OLFML2B: variants seen among roughly 807,000 people sequenced by gnomAD.
OLFML2B encodes the protein olfactomedin like 2B.
In OLFML2B, 57 loss-of-function variants were observed where a neutral mutation model predicts 74.9. That is an observed-to-expected ratio of 0.76 (90% CI 0.61 to 0.95). The LOEUF (loss-of-function observed/expected upper bound fraction) is 0.95. Ranked by LOEUF, OLFML2B falls within the 40% of genes least tolerant of loss-of-function variation. The probability of loss-of-function intolerance (pLI) is 0.00; values close to 1 mark genes in which losing one functional copy is unlikely to be tolerated. For missense variants in OLFML2B, 986 were observed against 970.6 expected (o/e 1.02, Z -0.21); for synonymous variants, 388 against 405.8 (o/e 0.96, Z 0.53).
At chr1:162,019,848 A>G in intron 2 of OLFML2B, 71 bp downstream of exon 2, 1 of 1,558,626 alleles carries the variant, frequency 6.4e-7, no homozygotes, top group Non-Finnish European at 8.7e-7. Context: ...ATCTTCAACC[A>G]TGGCCTTACC....
rs770014083 is a variant in OLFML2B, at chr1:162,023,724, C to T, written c.-294G>A. The T allele has an allele frequency of 1.3e-5, 3 of 224,070 alleles. No individual in the cohort carries two copies. Among genetic ancestry groups the T allele is most frequent in the Non-Finnish European group, 1.7e-5 (2 of 115,344 alleles). The allele number at this position is 224,070 out of a possible 1,614,324, so 13.9% of individuals were successfully genotyped here. On this transcript the variant is annotated 5_prime_UTR_variant, in exon 1 of 8. Transcript: ENST00000294794. ...GGCACGGGCTAGCTGAGCGAGTCGC[C>T]CGCAGGAGGGCTCAGGTGGCTGGAA...
chr1:162,012,953 A>T (rs541073181), intron 3 of OLFML2B, among the ~76,000 whole-genome samples: 1 of 152,280 alleles, frequency 6.6e-6, no homozygotes. Flanking sequence ...TGGAAGCAGT[A>T]TGTGCTGCTA....
intron 6 of OLFML2B, among the ~76,000 whole-genome samples, chr1:161,991,501 G>A (rs906557767): frequency 2.0e-5 from 3 of 152,174 alleles, no homozygotes; most frequent in African/African-American, 7.2e-5. Flanking sequence ...TTGGGAGGCC[G>A]AGGCAGGCGG....
chr1:162,012,121 T>C (rs1690407801), intron 3 of OLFML2B, among the ~76,000 whole-genome samples: 1 of 152,152 alleles, frequency 6.6e-6, no homozygotes, highest in African/African-American at 2.4e-5. Context: ...TCAGGCCGGG[T>C]AAGCAGTGCC....
At position 161,998,143 on chromosome 1, in the gene OLFML2B, C is replaced by A; in HGVS notation, c.1156G>T (p.Ala386Ser). 1 of 1,613,938 alleles carries A rather than the reference C, an allele frequency of 6.2e-7. No individual in the cohort carries two copies. Among genetic ancestry groups the A allele is most frequent in the East Asian group, 2.2e-5 (1 of 44,882 alleles). ...PQPSTSDPSI[A>S]NHASVGPTLQ... is the part of the protein sequence containing the mutation. ...GTTGGTCCCACTGAGGCATGGTTGG[C>A]GATGCTGGGATCTGAGGTCGAGGGC... The change falls in exon 6 of 8, where the codon GCC (alanine) becomes TCC (serine). Residue 386 changes from alanine to serine, a missense_variant. Transcript: ENST00000294794.
At chr1:161,995,728 C>G (rs1689878629) in intron 6 of OLFML2B, among the ~76,000 whole-genome samples, 1 of 152,150 alleles carries the variant, frequency 6.6e-6, no homozygotes, top group Non-Finnish European at 1.5e-5. Context: ...GTGTGTGGGT[C>G]CTACCTGCAG....
chr1:162,017,524 G>T lies in OLFML2B; in HGVS notation c.439-17C>A. ...TGTGGAGAGCTATGAAACAAGGCAA[G>T]GGGTTAGTCCAGGGCTGGGGCACAC... is the stretch of plus-strand genomic sequence containing the variant. On this transcript the variant is annotated splice_polypyrimidine_tract_variant and intron_variant, in intron 2 of 7. Transcript: ENST00000294794. The T allele has an allele frequency of 6.3e-7, 1 of 1,595,992 alleles. No individual in the cohort carries two copies.
At chr1:162,021,306 T>C (rs1332778265) in intron 1 of OLFML2B, among the ~76,000 whole-genome samples, 1 of 152,248 alleles carries the variant, frequency 6.6e-6, no homozygotes, top group Non-Finnish European at 1.5e-5. Flanking sequence ...TTGCTGCTTT[T>C]GCAATGCTAA....
chr1:162,021,357 G>T (rs1690699180), intron 1 of OLFML2B, among the ~76,000 whole-genome samples: 1 of 152,220 alleles, frequency 6.6e-6, no homozygotes, highest in Non-Finnish European at 1.5e-5. Flanking sequence ...GCCTCCCCAG[G>T]CAGGAAAACA....
intron 3 of OLFML2B, among the ~76,000 whole-genome samples, chr1:162,017,085 T>C (rs752723080): frequency 1.8e-4 from 28 of 152,232 alleles, no homozygotes; most frequent in Non-Finnish European, 3.2e-4. Context: ...AAGATGCTTA[T>C]TGTACCTTTA....
intron 6 of OLFML2B, among the ~76,000 whole-genome samples, chr1:161,986,523 T>G (rs1689597033): frequency 6.6e-6 from 1 of 152,100 alleles, no homozygotes; most frequent in Non-Finnish European, 1.5e-5. Flanking sequence ...GTTTATTAGG[T>G]CCTGGTCTGA....
At chr1:162,021,704 C>T (rs933158100) in intron 1 of OLFML2B, among the ~76,000 whole-genome samples, 7 of 152,140 alleles carry the variant, frequency 4.6e-5, no homozygotes, top group Admixed American at 2.6e-4. Context: ...GTGACTTAAG[C>T]GGCTGTTCTT....
intron 6 of OLFML2B, among the ~76,000 whole-genome samples, chr1:161,989,099 C>T (rs967003234): frequency 5.3e-5 from 8 of 152,200 alleles, no homozygotes; most frequent in Admixed American, 1.3e-4. Context: ...ACTCCAATTG[C>T]GCCAGTTTGT....
chr1:162,002,240 C>G (rs1191129166), intron 4 of OLFML2B, among the ~76,000 whole-genome samples: 1 of 152,254 alleles, frequency 6.6e-6, no homozygotes, highest in African/African-American at 2.4e-5. Flanking sequence ...TGGCCCAGCC[C>G]TGCTCTCCCC....
At chr1:162,011,228 G>A (rs963780235) in intron 3 of OLFML2B, among the ~76,000 whole-genome samples, 8 of 152,218 alleles carry the variant, frequency 5.3e-5, no homozygotes, top group Non-Finnish European at 1.0e-4. Flanking sequence ...GGTAGGTCCT[G>A]TGGGCATCAG....
At position 161,997,855 on chromosome 1, in the gene OLFML2B, C is replaced by A. The variant is rs762409288; in HGVS notation, c.1444G>T (p.Glu482Ter). The change falls in exon 6 of 8, where the codon GAA becomes TAA. Residue 482 changes from glutamate (E) to a stop codon, truncating the protein, a stop_gained. Transcript: ENST00000294794. LOFTEE classifies it high-confidence loss of function. Reference protein sequence around the residue: ...TTPASPTLSPEEEDDIRNVIG... With the variant: ...TTPASPTLSP ...ACATTCCGGATGTCATCTTCTTCTT[C>A]GGGGCTCAGCGTGGGGCTGGCAGGG... 1 of 1,613,628 alleles carries A rather than the reference C, an allele frequency of 6.2e-7. No individual in the cohort carries two copies. The highest frequency in any genetic ancestry group is 1.3e-5 in the African/African-American group (1 of 74,920).
At chr1:162,011,047 T>C (rs1372566501) in intron 3 of OLFML2B, among the ~76,000 whole-genome samples, 1 of 152,120 alleles carries the variant, frequency 6.6e-6, no homozygotes, top group Non-Finnish European at 1.5e-5. Context: ...GGGTTTGGTA[T>C]GGCTGGCATG....
At chr1:162,019,189 G>A (rs1001732765) in intron 2 of OLFML2B, among the ~76,000 whole-genome samples, 4 of 152,206 alleles carry the variant, frequency 2.6e-5, no homozygotes, top group African/African-American at 9.7e-5. Context: ...CTGAATGTCT[G>A]GTATCGTGCC....
rs530142247 is a variant in OLFML2B, at chr1:161,994,253, C to T, written c.1474+3572G>A. Among the ~76,000 whole-genome samples, 59 of 152,332 alleles carry T rather than the reference C, an allele frequency of 3.9e-4. No individual in the cohort carries two copies. The Middle Eastern group carries it at 0.017, about 44-fold the overall frequency. ...AGGCTCTGGAAGCTGTCCCAGCCCA[C>T]GTCAGCATCGCCTTCCTTGGGCTGC... On this transcript the variant is annotated intron_variant, in intron 6 of 7. Transcript: ENST00000294794.
Sources: allele counts gnomAD v4.1 joint callset (sites outside exome capture counted in the v4.1 genomes callset), GRCh38; gene constraint gnomAD v4.1.1; transcripts MANE v1.5; gene names NCBI Gene and HGNC (gene_info 2026-07-23, HGNC 2026-07-21).